Variants in POC5 observed in about 807,000 individuals in gnomAD.
The protein encoded by POC5 is POC5 centriolar protein.
Under a neutral mutation model 62.9 loss-of-function variants are expected in POC5, and 48 were observed. The observed-to-expected ratio is 0.76, with a 90% CI of 0.61 to 0.97. POC5 has a LOEUF of 0.97. Among genes scored for constraint, POC5 ranks in the 50% least tolerant of loss-of-function variants. The pLI, the probability that POC5 is intolerant of heterozygous loss-of-function variation, is 0.00. For missense variants in POC5, 696 were observed against 679.5 expected, an observed-to-expected ratio of 1.02 and a Z score of -0.27; for synonymous variants, 236 against 228.2, an observed-to-expected ratio of 1.03 and a Z score of -0.31.
chr5:75,698,385 A>G (rs1282275329), intron 5 of POC5, among the ~76,000 whole-genome samples: 5 of 152,216 alleles, frequency 3.3e-5, no homozygotes, highest in African/African-American at 9.7e-5. Flanking sequence ...ACCACATGCA[A>G]TCAAAATAGA....
intron 8 of POC5, chr5:75,689,576 TAA>T (rs1364921967): frequency 1.0e-6 from 1 of 983,722 alleles, no homozygotes; most frequent in East Asian, 1.1e-4. Context: ...TTTTATAATG[TAA>T]ATGTTACCTT....
intron 5 of POC5, among the ~76,000 whole-genome samples, chr5:75,700,582 A>G (rs1447572212): frequency 4.0e-5 from 6 of 150,634 alleles, no homozygotes; most frequent in African/African-American, 1.5e-4. Flanking sequence ...GATGGATTAA[A>G]GACTTAAATG....
chr5:75,690,151 C>G (rs1322919089), intron 8 of POC5, among the ~76,000 whole-genome samples: 2 of 152,144 alleles, frequency 1.3e-5, no homozygotes, highest in Non-Finnish European at 2.9e-5. Context: ...AGTGCTGGGT[C>G]TACAGGAGTG....
intron 7 of POC5, among the ~76,000 whole-genome samples, chr5:75,691,391 T>A (rs1327295137): frequency 1.3e-5 from 2 of 152,208 alleles, no homozygotes; most frequent in Non-Finnish European, 2.9e-5. Flanking sequence ...TGAAACTTTT[T>A]GAGTGTCAGC....
chr5:75,681,987 A>C (rs1056461299), intron 10 of POC5, among the ~76,000 whole-genome samples: 1 of 152,248 alleles, frequency 6.6e-6, no homozygotes, highest in African/African-American at 2.4e-5. Flanking sequence ...CAACTATATA[A>C]GGAAGGAAGA....
At chr5:75,690,230 A>C (rs1776269933) in intron 8 of POC5, among the ~76,000 whole-genome samples, 153 bp downstream of exon 8, 1 of 152,240 alleles carries the variant, frequency 6.6e-6, no homozygotes, top group Admixed American at 6.5e-5. Context: ...AAGAATATAC[A>C]ATAAACATTA....
chr5:75,702,934 C>T, intron 4 of POC5, 124 bp from the exon 5 acceptor site: 2 of 723,054 alleles, frequency 2.8e-6, no homozygotes, highest in Non-Finnish European at 4.6e-6. Flanking sequence ...TGCAGAGAAA[C>T]TACCTTTCAG....
rs761615848 is a variant in POC5, at chr5:75,706,718, C to T, written c.224-931G>A. Among the ~76,000 whole-genome samples, 98 of 151,946 alleles carry T rather than the reference C, an allele frequency of 6.4e-4. 1 individual carries two copies. Among genetic ancestry groups the T allele is most frequent in the Non-Finnish European group, 3.4e-4 (23 of 67,990 alleles). On this transcript the variant is annotated intron_variant, in intron 3 of 11. Coordinates refer to ENST00000428202, the MANE Select transcript of POC5 (RefSeq NM_001099271.2). ...TGCTGGGACTATAGGCTGCTCTGCC[C>T]GGCTAATTTTTTTGTAGAGCTAGGG...
chr5:75,683,193 C>CTAAA (rs1233555500), intron 10 of POC5, among the ~76,000 whole-genome samples: 1 of 151,278 alleles, frequency 6.6e-6, no homozygotes, highest in Non-Finnish European at 1.5e-5. Flanking sequence ...CTATACATGC[C>CTAAA]TTTATACCAG....
rs994705819 is a variant in POC5, at chr5:75,712,910, G to A, written c.28C>T (p.Leu10Phe). ...CTGGAGTCATTTTGCACAACTGGAA[G>A]TGAGTATTTCTCCTCATCTGATGAC... MSSDEEKYS[L>F]PVVQNDSSRG... Residue 10 changes from leucine to phenylalanine, a missense_variant, in exon 2 of 12, where the codon CTT (leucine) becomes TTT (phenylalanine). Leu to Phe is a conservative substitution (Grantham distance 22, BLOSUM62 0). Coordinates refer to ENST00000428202, the MANE Select transcript of POC5 (RefSeq NM_001099271.2). 7 of 1,612,518 alleles carry A rather than the reference G, an allele frequency of 4.3e-6. No homozygotes were observed. The highest frequency in any genetic ancestry group is 1.3e-5 in the African/African-American group (1 of 74,918).
At position 75,677,546 on chromosome 5, in the gene POC5, G is replaced by A. The variant is rs568752067; in HGVS notation, c.1584+228C>T. ...ATAATTTTTACAGTTTGGAAGAAAC[G>A]ATGTTTCTGAAATTAATTTCCCAAC... On this transcript the variant is annotated intron_variant, in intron 11 of 11. Transcript: ENST00000428202. 1.7e-5 allele frequency: 5 copies of A among 296,070 alleles called. No homozygotes were observed. In the South Asian group the frequency reaches 4.8e-4, roughly 28 times the overall value. 18.3% of individuals were successfully genotyped at this position (296,070 alleles called of 1,614,324 possible). A position where few individuals can be genotyped will look rare whatever the true frequency, so the allele number is the denominator to read the frequency against.
intron 7 of POC5, among the ~76,000 whole-genome samples, chr5:75,691,116 A>G (rs923550971): frequency 6.6e-6 from 1 of 152,236 alleles, no homozygotes; most frequent in Non-Finnish European, 1.5e-5. Flanking sequence ...AGTAGTTCCA[A>G]TTCTCAATTT....
chr5:75,685,041 G>A (rs1476153624), intron 10 of POC5, among the ~76,000 whole-genome samples, 166 bp downstream of exon 10: 7 of 151,850 alleles, frequency 4.6e-5, no homozygotes, highest in African/African-American at 4.8e-5. Context: ...CTAATTTTTC[G>A]TATTTTTAGT....
chr5:75,683,291 G>C (rs370015926), intron 10 of POC5, among the ~76,000 whole-genome samples: 25 of 151,690 alleles, frequency 1.6e-4, no homozygotes, highest in African/African-American at 5.8e-4. Flanking sequence ...CTGAAGTGCA[G>C]TGGCGTGATC....
At chr5:75,676,677 C>A (rs986138715) in intron 11 of POC5, among the ~76,000 whole-genome samples, 1 of 151,950 alleles carries the variant, frequency 6.6e-6, no homozygotes, top group African/African-American at 2.4e-5. Context: ...CTGAAATCAG[C>A]TGGGGGTGGT....
chr5:75,679,091 T>C (rs2112075276), intron 10 of POC5, among the ~76,000 whole-genome samples: 1 of 152,318 alleles, frequency 6.6e-6, no homozygotes, highest in South Asian at 2.1e-4. Flanking sequence ...TATAGATACT[T>C]ATCTCAGAGT....
chr5:75,688,993 A>T lies in POC5; in HGVS notation c.1129+19T>A, dbSNP rs17563686. On this transcript the variant is annotated intron_variant, in intron 9 of 11. Coordinates refer to ENST00000428202, the MANE Select transcript of POC5 (RefSeq NM_001099271.2). ...TCTTTTTTTGAAATTAGGCAGAGAA[A>T]CTTTAATGAAATACTAACCTGCATC... 0.27 allele frequency: 408,662 copies of T among 1,517,390 alleles called. 56,152 individuals carry two copies. Among genetic ancestry groups the T allele is most frequent in the South Asian group, 0.32 (23,069 of 72,916 alleles). The allele number at this position is 1,517,390 out of a possible 1,614,324, so 94.0% of individuals were successfully genotyped here. A position where few individuals can be genotyped will look rare whatever the true frequency, so the allele number is the denominator to read the frequency against.
At chr5:75,698,333 G>C (rs1237057470) in intron 5 of POC5, among the ~76,000 whole-genome samples, 2 of 151,244 alleles carry the variant, frequency 1.3e-5, no homozygotes, top group African/African-American at 4.9e-5. Flanking sequence ...GCTCTCCTCA[G>C]CAAATGTAAA....
chr5:75,716,387 G>C lies in POC5; in HGVS notation c.-15+919C>G, dbSNP rs1199793509. Among the ~76,000 whole-genome samples the C allele has an allele frequency of 1.0e-4, 8 of 77,076 alleles. 1 individual carries two copies. Among genetic ancestry groups the C allele is most frequent in the African/African-American group, 3.1e-4 (7 of 22,678 alleles). The allele number at this position is 77,076 out of a possible 152,430, so 50.6% of individuals were successfully genotyped here. ...AGACCAGGCAGGTAACAGGGGTGGGGGGGGGGGGGTGCTGATTATTTAAAA... is the reference window on the plus strand; with the variant it reads ...AGACCAGGCAGGTAACAGGGGTGGGCGGGGGGGGGTGCTGATTATTTAAAA... On this transcript the variant is annotated intron_variant, in intron 1 of 11. Transcript: ENST00000428202.
Sources: gnomAD v4.1 joint callset for allele counts (sites outside exome capture counted in the v4.1 genomes callset) on GRCh38, gnomAD v4.1.1 for gene constraint, MANE v1.5 for transcripts, NCBI Gene and HGNC (gene_info 2026-07-23, HGNC 2026-07-21) for gene names.